The following HTR3B variants were observed in gnomAD, a reference collection of about 807,000 sequenced individuals.
HTR3B encodes 5-hydroxytryptamine (serotonin) receptor 3B, ionotropic.
HTR3B carries 44 observed loss-of-function variants against 42.8 expected under a neutral mutation model. The observed-to-expected ratio is 1.03, with a 90% CI of 0.81 to 1.32. The LOEUF (loss-of-function observed/expected upper bound fraction) is 1.32. Among genes scored for constraint, HTR3B ranks in the 40% most tolerant of loss-of-function variants. The probability of loss-of-function intolerance (pLI) is 0.00; values close to 1 mark genes in which losing one functional copy is unlikely to be tolerated. For synonymous variants in HTR3B, 203 were observed against 209.0 expected (o/e 0.97, Z 0.25); for missense variants, 527 against 536.5 (o/e 0.98, Z 0.17).
rs751261442 is a variant in HTR3B, at chr11:113,946,176, G to A, written c.*39G>A. On this transcript the variant is annotated 3_prime_UTR_variant, in exon 9 of 9. Transcript: ENST00000260191. ...CTTCAGTAATTGTGCTGGCACTTAG[G>A]AGAGAGAGGAGGGGGAATAATAGTG... The A allele has an allele frequency of 1.7e-5, 25 of 1,482,040 alleles. No homozygotes were observed. The Admixed American group carries it at 3.5e-4, about 21-fold the overall frequency. 91.8% of individuals were successfully genotyped at this position (1,482,040 alleles called of 1,614,324 possible). A position where few individuals can be genotyped will look rare whatever the true frequency, so the allele number is the denominator to read the frequency against.
rs1950180529 is a variant in HTR3B, at chr11:113,946,356, A to G, written c.*219A>G. The stretch of plus-strand genomic sequence containing the variant: ...TCTCTACCAGTAAATAAATAAATAA[A>G]TAAATAAATAAATAAATAAATAAAT... On this transcript the variant is annotated 3_prime_UTR_variant, in exon 9 of 9. Transcript: ENST00000260191. 7 of 231,536 alleles carry G rather than the reference A, an allele frequency of 3.0e-5. 1 individual carries two copies. The South Asian group carries it at 5.4e-4, about 18-fold the overall frequency. 14.3% of individuals were successfully genotyped at this position (231,536 alleles called of 1,614,324 possible).
In HTR3B at chr11:113,932,924, T is replaced by C. The variant is rs752808980; in HGVS notation, c.539-12T>C. The C allele has an allele frequency of 1.9e-6, 3 of 1,612,216 alleles. No homozygotes were observed. In the Admixed American group the frequency reaches 5.0e-5, roughly 27 times the overall value. ...TCTCTCTGGGAAAGTCAATTGTTTG[T>C]GTTGTTTGCAGTGGAAGACGTAGAC... On this transcript the variant is annotated splice_polypyrimidine_tract_variant and intron_variant, in intron 5 of 8. Coordinates refer to ENST00000260191, the MANE Select transcript of HTR3B (RefSeq NM_006028.5).
chr11:113,899,202 T>C, the HTR3B span, among the ~76,000 whole-genome samples: 1 of 152,176 alleles, frequency 6.6e-6, no homozygotes, highest in South Asian at 2.1e-4. Context: ...CCCTTGTTTA[T>C]TTGTTTACTT....
chr11:113,914,382 T>C (rs1484729969), intron 2 of HTR3B, among the ~76,000 whole-genome samples: 2 of 151,174 alleles, frequency 1.3e-5, no homozygotes, highest in East Asian at 4.0e-4. Context: ...GAGAATTGCT[T>C]GAACCTGGGA....
At chr11:113,907,482 ACTCTTTC>A (rs1302494912) in intron 1 of HTR3B, among the ~76,000 whole-genome samples, 3 of 151,938 alleles carry the variant, frequency 2.0e-5, no homozygotes, top group Non-Finnish European at 4.4e-5. Flanking sequence ...TAAACAAAGA[ACTCTTTC>A]CCCTTTTGGT....
At chr11:113,917,936 G>T (rs1949873072) in intron 2 of HTR3B, among the ~76,000 whole-genome samples, 1 of 152,060 alleles carries the variant, frequency 6.6e-6, no homozygotes, top group Non-Finnish European at 1.5e-5. Flanking sequence ...TCCTTTTACT[G>T]TTATGAAACG....
At chr11:113,914,421 G>A (rs1214505070) in intron 2 of HTR3B, among the ~76,000 whole-genome samples, 11 of 150,558 alleles carry the variant, frequency 7.3e-5, no homozygotes, top group Admixed American at 7.3e-4. Flanking sequence ...CCGAGATCAC[G>A]CCATTGCACT....
chr11:113,924,846 A>G (rs956407538), intron 2 of HTR3B, among the ~76,000 whole-genome samples: 2 of 152,040 alleles, frequency 1.3e-5, no homozygotes, highest in African/African-American at 4.8e-5. Context: ...GTATCTATTT[A>G]AATTCCATTA....
rs767322943 is a variant in HTR3B at position 113,904,992 on chromosome 11, C to T, written c.52+7C>T. On this transcript the variant is annotated splice_region_variant and intron_variant, in intron 1 of 8. Coordinates refer to ENST00000260191, the MANE Select transcript of HTR3B (RefSeq NM_006028.5). ...TGCATCCTGGTGGCTGCAGGTGAGT[C>T]CTTTTAATAATTTTACTAGGCATTA... is the stretch of plus-strand genomic sequence containing the variant. The T allele has an allele frequency of 6.2e-7, 1 of 1,601,034 alleles. No homozygotes were observed. Among genetic ancestry groups the T allele is most frequent in the Non-Finnish European group, 8.6e-7 (1 of 1,168,612 alleles).
intron 2 of HTR3B, among the ~76,000 whole-genome samples, chr11:113,913,454 G>T (rs868601431): frequency 5.1e-5 from 7 of 136,890 alleles, no homozygotes; most frequent in Non-Finnish European, 1.1e-4. Flanking sequence ...CAGGTGATCC[G>T]CCTGCCTTGG....
chr11:113,923,717 A>G (rs1051762189), intron 2 of HTR3B, among the ~76,000 whole-genome samples: 1 of 152,202 alleles, frequency 6.6e-6, no homozygotes, highest in South Asian at 2.1e-4. Context: ...GAAAAAAAAC[A>G]GGGCGAGATA....
intron 6 of HTR3B, among the ~76,000 whole-genome samples, chr11:113,934,204 T>C (rs960369896): frequency 2.6e-5 from 4 of 152,140 alleles, no homozygotes; most frequent in African/African-American, 9.7e-5. Context: ...CTGGCCAACA[T>C]GGCAAAACCC....
intron 2 of HTR3B, among the ~76,000 whole-genome samples, chr11:113,921,483 C>A (rs1446370423): frequency 6.9e-6 from 1 of 145,870 alleles, no homozygotes; most frequent in Admixed American, 7.1e-5. Context: ...GCTGGCCGGG[C>A]GTGGTGGTGG....
At chr11:113,927,187 A>G (rs1246017131) in intron 2 of HTR3B, among the ~76,000 whole-genome samples, 1 of 152,164 alleles carries the variant, frequency 6.6e-6, no homozygotes, top group Non-Finnish European at 1.5e-5. Context: ...AAGTACATTC[A>G]CATTCTTGTG....
chr11:113,922,618 A>G (rs558510717), intron 2 of HTR3B, among the ~76,000 whole-genome samples: 2 of 152,026 alleles, frequency 1.3e-5, no homozygotes, highest in Non-Finnish European at 2.9e-5. Context: ...TGCAGTGGCA[A>G]GATCTCGGCT....
intron 5 of HTR3B, 101 bp from the exon 6 acceptor site, chr11:113,932,835 G>T: frequency 1.7e-6 from 2 of 1,189,992 alleles, no homozygotes; most frequent in South Asian, 2.8e-5. Flanking sequence ...TGCCTATGGG[G>T]GCAGGAGAAC....
Position 113,919,830 on chromosome 11 carries a change from A to AAACAAC in HTR3B, c.213+10408_213+10413dup, listed in dbSNP as rs149081128. ...GCAACAAGAGCAAAACTCCATCTCA[A>AAACAAC]AACAACAACAACAACAACAACAACA... On this transcript the variant is annotated intron_variant, in intron 2 of 8. Transcript: ENST00000260191. Among the ~76,000 whole-genome samples the AAACAAC allele has an allele frequency of 5.2e-3, 778 of 148,934 alleles. 7 individuals are homozygous for AAACAAC. The highest frequency in any genetic ancestry group is 0.024 in the South Asian group (109 of 4,602).
At chr11:113,903,428 C>CTTTTTTTTT (rs57289369), upstream of HTR3B, among the ~76,000 whole-genome samples, 4 of 121,096 alleles carry the variant, frequency 3.3e-5, no homozygotes, top group Non-Finnish European at 5.0e-5. Context: ...CTTTTCTTTT[C>CTTTTTTTTT]TTTTTTTTTT....
In HTR3B at chr11:113,943,127, A is replaced by T; in HGVS notation, c.842A>T (p.Tyr281Phe). The T allele has an allele frequency of 8.7e-6, 14 of 1,614,100 alleles. No homozygotes were observed. The highest frequency in any genetic ancestry group is 1.2e-5 in the Non-Finnish European group (14 of 1,180,020). ...TTCAAGACCAGTGTGCTGGTGGGCT[A>T]CACCGTCTTCAGGGTCAACATGTCC... ...IVFKTSVLVG[Y>F]TVFRVNMSNQ... Residue 281 changes from tyrosine (Y) to phenylalanine (F), a missense_variant, in exon 7 of 9, where the codon TAC (tyrosine) becomes TTC (phenylalanine). By Grantham distance (22) the Tyr-to-Phe change is conservative. Transcript: ENST00000260191.
Sources: allele counts gnomAD v4.1 joint callset (sites outside exome capture counted in the v4.1 genomes callset), GRCh38; gene constraint gnomAD v4.1.1; transcripts MANE v1.5; gene names NCBI Gene and HGNC (gene_info 2026-07-23, HGNC 2026-07-21).